TENT4A: variants seen among roughly 807,000 people sequenced by gnomAD.
TENT4A encodes the protein DNA polymerase kappa.
In TENT4A, 7 loss-of-function variants were observed where a neutral mutation model predicts 72.8. The ratio of observed to expected loss-of-function variants is 0.10; its 90% CI spans 0.05 to 0.18. The LOEUF (loss-of-function observed/expected upper bound fraction) is 0.18. TENT4A is among the 10% of genes least tolerant of loss of function. The pLI, the probability that TENT4A is intolerant of heterozygous loss-of-function variation, is 1.00. For missense variants in TENT4A, 831 were observed against 1,017.7 expected (o/e 0.82, Z 2.50); for synonymous variants, 456 against 434.3 (o/e 1.05, Z -0.62).
At chr5:6,739,882 G>A (rs541611356) in intron 4 of TENT4A, 30 bp downstream of exon 4, 25 of 1,604,864 alleles carry the variant, frequency 1.6e-5, no homozygotes, top group South Asian at 5.5e-5. Flanking sequence ...CCCTCTGACC[G>A]GGCAGGAGCC....
At chr5:6,724,263 T>G (rs1426804021) in intron 1 of TENT4A, among the ~76,000 whole-genome samples, 1 of 152,180 alleles carries the variant, frequency 6.6e-6, no homozygotes, top group Non-Finnish European at 1.5e-5. Context: ...GCAAGACCTC[T>G]GTGAATGGGC....
chr5:6,737,655 CTG>C (rs775977163), intron 2 of TENT4A, 22 bp downstream of exon 2: 1 of 1,608,660 alleles, frequency 6.2e-7, no homozygotes, highest in East Asian at 2.2e-5. Context: ...CTTTGGAGTT[CTG>C]TGTCGCACGT....
chr5:6,749,516 C>A lies in TENT4A; in HGVS notation c.1587-41C>A, dbSNP rs779681989. 53 of 1,329,476 alleles carry A rather than the reference C, an allele frequency of 4.0e-5. No homozygotes were observed. In the South Asian group the frequency reaches 6.3e-4, roughly 16 times the overall value. 82.4% of individuals were successfully genotyped at this position (1,329,476 alleles called of 1,614,324 possible). On this transcript the variant is annotated intron_variant, in intron 8 of 12. Coordinates refer to ENST00000230859, the MANE Select transcript of TENT4A (RefSeq NM_006999.6). ...GAGAGGGGTTCTCAGCTCCCTGACA[C>A]CTGTTGTACTCTGTTGATCTCCAAC...
Position 6,714,428 on chromosome 5 carries a change from T to G in TENT4A, c.445T>G (p.Phe149Val), listed in dbSNP as rs1740254570. Residue 149 changes from phenylalanine (F) to valine (V), a missense_variant, in exon 1 of 13, where the codon TTC (phenylalanine) becomes GTC (valine). By Grantham distance (50) the Phe-to-Val change is conservative (BLOSUM62 -1). Coordinates refer to ENST00000230859, the MANE Select transcript of TENT4A (RefSeq NM_006999.6). ...GCCGGGCGGCGGCCGCGGCGGCGCC[T>G]TCTTCAACTTCGCCGACGGCGCGCC... ...GRPGGGRGGA[F>V]FNFADGAPSA... 4.3e-6 allele frequency: 5 copies of G among 1,161,890 alleles called. No individual in the cohort carries two copies. Among genetic ancestry groups the G allele is most frequent in the Admixed American group, 4.7e-5 (1 of 21,232 alleles). The allele number at this position is 1,161,890 out of a possible 1,614,324, so 72.0% of individuals were successfully genotyped here.
At chr5:6,724,287 T>C (rs1252644907) in intron 1 of TENT4A, among the ~76,000 whole-genome samples, 1 of 152,210 alleles carries the variant, frequency 6.6e-6, no homozygotes, top group East Asian at 1.9e-4. Context: ...GATGGGCCAG[T>C]GACGCAACAC....
chr5:6,742,495 A>C lies in TENT4A; in HGVS notation c.1014A>C (p.Pro338=), dbSNP rs752659073. The C allele has an allele frequency of 1.9e-5, 31 of 1,602,186 alleles. No homozygotes were observed. Among genetic ancestry groups the C allele is most frequent in the Non-Finnish European group, 2.6e-5 (30 of 1,169,054 alleles). Residue 338 remains proline, a synonymous_variant, in exon 5 of 13, where the codon CCA becomes CCC. Coordinates refer to ENST00000230859, the MANE Select transcript of TENT4A (RefSeq NM_006999.6). ...TTAAAATGAAATCTTTACAGGTACC[A>C]ATAATAAAGCTCACAGATCAGGAGA... ...SIKVLDKATV[P]IIKLTDQETE...
chr5:6,755,169 G>C lies in TENT4A; in HGVS notation c.*224G>C, dbSNP rs1018576636. 2.4e-6 allele frequency: 1 copy of C among 414,568 alleles called. No homozygotes were observed. The highest frequency in any genetic ancestry group is 2.0e-5 in the African/African-American group (1 of 49,488). The allele number at this position is 414,568 out of a possible 1,614,324, so 25.7% of individuals were successfully genotyped here. On this transcript the variant is annotated 3_prime_UTR_variant, in exon 13 of 13. Coordinates refer to ENST00000230859, the MANE Select transcript of TENT4A (RefSeq NM_006999.6). ...TTATTAAACGTGGACGTTGTTTTCT[G>C]CCTTCCCAGGATTCTTCCTTCAGTG...
At chr5:6,746,526 C>A in intron 7 of TENT4A, 99 bp downstream of exon 7, 3 of 1,041,408 alleles carry the variant, frequency 2.9e-6, no homozygotes, top group Non-Finnish European at 4.3e-6. Flanking sequence ...CCGGGCAGTT[C>A]ATTTGCTCTT....
At position 6,756,445 on chromosome 5, in the gene TENT4A, G is replaced by C. The variant is rs1451095451; in HGVS notation, c.*1500G>C. On this transcript the variant is annotated 3_prime_UTR_variant, in exon 13 of 13. Transcript: ENST00000230859. Reference sequence around the variant, plus strand: ...CAAGATACTTATTACCATGACATCTGATGCATGTGCAGCAGTGGGGAGTTC... The same window carrying C: ...CAAGATACTTATTACCATGACATCTCATGCATGTGCAGCAGTGGGGAGTTC... 1.3e-5 allele frequency: 2 copies of C among 152,536 alleles called. No individual in the cohort carries two copies. The highest frequency in any genetic ancestry group is 2.9e-5 in the Non-Finnish European group (2 of 68,042). The allele number at this position is 152,536 out of a possible 1,614,324, so 9.4% of individuals were successfully genotyped here.
intron 11 of TENT4A, among the ~76,000 whole-genome samples, chr5:6,751,664 G>T (rs1274249982): frequency 6.6e-6 from 1 of 152,104 alleles, no homozygotes; most frequent in East Asian, 1.9e-4. Flanking sequence ...TTTTCTGTTG[G>T]AATATACTGT....
chr5:6,751,459 A>C (rs976173119), intron 11 of TENT4A: 4 of 313,378 alleles, frequency 1.3e-5, no homozygotes, highest in Non-Finnish European at 2.3e-5. Context: ...CCTTCCTGCA[A>C]GTTTCCTCAC....
intron 1 of TENT4A, among the ~76,000 whole-genome samples, chr5:6,731,028 T>C (rs377042945): frequency 6.6e-6 from 1 of 152,212 alleles, no homozygotes. Flanking sequence ...ATCAGTGCGA[T>C]GTAGTAGTGT....
chr5:6,740,281 C>T (rs549772469), intron 4 of TENT4A, among the ~76,000 whole-genome samples: 8 of 152,252 alleles, frequency 5.3e-5, no homozygotes, highest in African/African-American at 1.9e-4. Context: ...TTAGCTGTTC[C>T]TTTCGTGGTT....
At chr5:6,727,862 G>T (rs113192569) in intron 1 of TENT4A, among the ~76,000 whole-genome samples, 2 of 152,280 alleles carry the variant, frequency 1.3e-5, no homozygotes, top group East Asian at 3.9e-4. Flanking sequence ...TATCAGCCAG[G>T]GTATGCTGTG....
At chr5:6,740,988 C>T (rs991276702) in intron 4 of TENT4A, among the ~76,000 whole-genome samples, 5 of 152,162 alleles carry the variant, frequency 3.3e-5, no homozygotes, top group East Asian at 1.9e-4. Context: ...TAGTCCAGGC[C>T]GCTGTTGTCT....
At chr5:6,736,345 T>G (rs453536) in intron 1 of TENT4A, among the ~76,000 whole-genome samples, 89,795 of 152,034 alleles carry the variant, frequency 0.59, 27,276 homozygotes, top group Middle Eastern at 0.67. Context: ...CTCACCTTTG[T>G]ACTCACCCCT....
intron 1 of TENT4A, among the ~76,000 whole-genome samples, chr5:6,729,311 A>G (rs1361402021): frequency 1.3e-5 from 2 of 152,236 alleles, no homozygotes; most frequent in African/African-American, 2.4e-5. Context: ...TCTAGTGCAA[A>G]TGTTAGTAAT....
chr5:6,734,136 G>A (rs973364696), intron 1 of TENT4A, among the ~76,000 whole-genome samples: 1 of 152,236 alleles, frequency 6.6e-6, no homozygotes, highest in African/African-American at 2.4e-5. Flanking sequence ...GTGCGCTGTT[G>A]CGTCCATCCA....
Position 6,713,955 on chromosome 5 carries a change from CGCGCGGGCCCCGCGGGG to C in TENT4A, c.-25_-9del. On this transcript the variant is annotated 5_prime_UTR_variant, in exon 1 of 13. Transcript: ENST00000230859. ...GCGGGGCCGCGTCGGGGCGGGCGGG[CGCGCGGGCCCCGCGGGG>C]GCGGCGCGTGGATGGATCCGCGCGT... 4 of 928,154 alleles carry C rather than the reference CGCGCGGGCCCCGCGGGG, an allele frequency of 4.3e-6. No homozygotes were observed. The highest frequency in any genetic ancestry group is 1.2e-4 in the East Asian group (1 of 8,230). 57.5% of individuals were successfully genotyped at this position (928,154 alleles called of 1,614,324 possible).
Sources: gnomAD v4.1 joint callset for allele counts (sites outside exome capture counted in the v4.1 genomes callset) on GRCh38, gnomAD v4.1.1 for gene constraint, MANE v1.5 for transcripts, NCBI Gene and HGNC (gene_info 2026-07-23, HGNC 2026-07-21) for gene names.